GPR161: variants seen among roughly 807,000 people sequenced by gnomAD.
GPR161 encodes G protein-coupled receptor 161, also known as G-protein coupled receptor RE2.
GPR161 carries 25 observed loss-of-function variants against 39.2 expected under a neutral mutation model. The observed-to-expected ratio is 0.64, with a 90% confidence interval of 0.47 to 0.89. GPR161 has a LOEUF of 0.89. Among genes scored for constraint, GPR161 ranks in the 40% least tolerant of loss-of-function variants. GPR161 has a pLI of 0.00. For missense variants in GPR161, 547 were observed against 677.8 expected (o/e 0.81, Z 2.14); for synonymous variants, 286 against 276.6 (o/e 1.03, Z -0.34).
chr1:168,136,702 C>T (rs1337987871), intron 1 of GPR161, 37 bp downstream of exon 1: 2 of 1,062,122 alleles, frequency 1.9e-6, no homozygotes, highest in Non-Finnish European at 2.3e-6. Context: ...GCCCTCTCCG[C>T]CCGGGCCCGC....
chr1:168,114,488 G>A (rs1411535239), intron 1 of GPR161: 2 of 152,054 alleles, frequency 1.3e-5, no homozygotes, highest in African/African-American at 2.4e-5. Context: ...GGCTGAGGCA[G>A]GAGAATTGCT....
chr1:168,086,163 C>T (rs971736492), intron 5 of GPR161, among the ~76,000 whole-genome samples: 5 of 152,224 alleles, frequency 3.3e-5, no homozygotes, highest in African/African-American at 1.2e-4. Flanking sequence ...AACATTTTTA[C>T]ATCTTTGAAA....
At chr1:168,107,308 C>T (rs143214708) in intron 1 of GPR161, among the ~76,000 whole-genome samples, 17 of 152,322 alleles carry the variant, frequency 1.1e-4, no homozygotes, top group Middle Eastern at 3.4e-3. Flanking sequence ...CTGAAACTCA[C>T]GTTGAAACTT....
At chr1:168,111,007 A>G (rs1697125996) in intron 1 of GPR161, among the ~76,000 whole-genome samples, 1 of 152,218 alleles carries the variant, frequency 6.6e-6, no homozygotes, top group Admixed American at 6.5e-5. Context: ...TTAGCTAAAA[A>G]GAAAGATGAT....
Position 168,090,594 on chromosome 1 carries a change from C to G in GPR161, c.1174G>C (p.Asp392His). The change falls in exon 4 of 6, where the codon GAC becomes CAC. Residue 392 changes from aspartate (D) to histidine (H), a missense_variant. Transcript: ENST00000682931. ...TCCTGGGAGCAGCTGAAGCCAGTGT[C>G]CCCCGTGCTGCTGCTGTGCCCCAGG... Reference protein sequence around the residue: ...QPLGHSSSTGDTGFSCSQDSG... With the variant: ...QPLGHSSSTGHTGFSCSQDSG... The G allele has an allele frequency of 6.2e-7, 1 of 1,609,422 alleles. No individual in the cohort carries two copies. The highest frequency in any genetic ancestry group is 8.5e-7 in the Non-Finnish European group (1 of 1,175,850).
intron 1 of GPR161, among the ~76,000 whole-genome samples, chr1:168,127,406 C>T (rs1698670220): frequency 6.6e-6 from 1 of 151,934 alleles, no homozygotes; most frequent in African/African-American, 2.4e-5. Flanking sequence ...AATACTTGAA[C>T]CCAGGAGGTG....
intron 1 of GPR161, among the ~76,000 whole-genome samples, chr1:168,112,079 C>T (rs975587873): frequency 2.0e-5 from 3 of 151,934 alleles, no homozygotes; most frequent in African/African-American, 7.3e-5. Context: ...GTGAACAAAA[C>T]CTGAATGGTT....
intron 1 of GPR161, among the ~76,000 whole-genome samples, chr1:168,131,761 A>C (rs1699007669): frequency 6.6e-6 from 1 of 152,214 alleles, no homozygotes; most frequent in African/African-American, 2.4e-5. Context: ...AATCAAAGGT[A>C]CAATAAGCAA....
chr1:168,091,646 G>T (rs78400491), intron 3 of GPR161, among the ~76,000 whole-genome samples: 7 of 152,098 alleles, frequency 4.6e-5, no homozygotes, highest in Middle Eastern at 3.2e-3. Context: ...GTACTAGCGT[G>T]AAAGACAGAG....
chr1:168,116,517 T>C (rs2102216034), intron 1 of GPR161, among the ~76,000 whole-genome samples: 1 of 152,254 alleles, frequency 6.6e-6, no homozygotes, highest in East Asian at 1.9e-4. Flanking sequence ...ATAACCACCC[T>C]GTAACTGAGA....
At chr1:168,117,260 C>T (rs1297401400) in intron 1 of GPR161, among the ~76,000 whole-genome samples, 1 of 152,166 alleles carries the variant, frequency 6.6e-6, no homozygotes, top group Non-Finnish European at 1.5e-5. Flanking sequence ...CAGAGTATTG[C>T]TTAATTATTA....
At chr1:168,097,702 C>T (rs3767476) in intron 2 of GPR161, among the ~76,000 whole-genome samples, 64,846 of 151,990 alleles carry the variant, frequency 0.43, 15,193 homozygotes, top group African/African-American at 0.62. Flanking sequence ...CCAAGCACCG[C>T]GCTACCTCCT....
intron 1 of GPR161, among the ~76,000 whole-genome samples, chr1:168,112,349 G>A (rs951887673): frequency 4.0e-5 from 6 of 151,782 alleles, no homozygotes; most frequent in African/African-American, 1.5e-4. Flanking sequence ...GCGTGGTGGT[G>A]GGTGCCTGTA....
At chr1:168,092,302 G>A (rs923612336) in intron 3 of GPR161, among the ~76,000 whole-genome samples, 13 of 152,198 alleles carry the variant, frequency 8.5e-5, no homozygotes, top group Non-Finnish European at 1.5e-4. Context: ...GGCTGAAGCC[G>A]CAGTGGGTTT....
intron 2 of GPR161, among the ~76,000 whole-genome samples, chr1:168,097,660 C>T (rs1290147858): frequency 3.3e-5 from 5 of 152,146 alleles, no homozygotes; most frequent in Non-Finnish European, 7.3e-5. Flanking sequence ...CTTCATTCAA[C>T]CAATGGACAT....
chr1:168,130,795 A>G (rs755801534), intron 1 of GPR161, among the ~76,000 whole-genome samples: 3 of 152,160 alleles, frequency 2.0e-5, no homozygotes, highest in Non-Finnish European at 4.4e-5. Flanking sequence ...GAACATGTAC[A>G]AAATGGAATT....
intron 1 of GPR161, chr1:168,134,877 G>A: frequency 6.5e-7 from 1 of 1,529,346 alleles, no homozygotes. Flanking sequence ...GTCCCTGCTG[G>A]CAGTGGAGTT....
chr1:168,134,897 G>T, intron 1 of GPR161: 1 of 1,535,316 alleles, frequency 6.5e-7, no homozygotes, highest in Non-Finnish European at 8.7e-7. Context: ...TTACACCACA[G>T]AACTGTACCT....
At chr1:168,127,900 T>C (rs1048033748) in intron 1 of GPR161, among the ~76,000 whole-genome samples, 6 of 152,110 alleles carry the variant, frequency 3.9e-5, no homozygotes, top group Non-Finnish European at 5.9e-5. Context: ...AAAAGATGCA[T>C]TGCAAGAGAA....
Sources: allele counts gnomAD v4.1 joint callset (sites outside exome capture counted in the v4.1 genomes callset), GRCh38; gene constraint gnomAD v4.1.1; transcripts MANE v1.5; gene names NCBI Gene and HGNC (gene_info 2026-07-23, HGNC 2026-07-21).